The following CALN1 variants were observed in gnomAD, a reference collection of about 807,000 sequenced individuals.
CALN1 encodes calneuron 1, also known as calcium-binding protein 8.
Under a neutral mutation model 30.6 loss-of-function variants are expected in CALN1, and 17 were observed. The ratio of observed to expected loss-of-function variants is 0.56; its 90% CI spans 0.38 to 0.83. The LOEUF is 0.83. Among genes scored for constraint, CALN1 ranks in the 40% least tolerant of loss-of-function variants. CALN1 has a pLI of 0.00. For synonymous variants in CALN1, 156 were observed against 131.4 expected (o/e 1.19, Z -1.28); for missense variants, 291 against 354.9 (o/e 0.82, Z 1.45).
chr7:71,792,016 G>GA (rs11437642), intron 6 of CALN1, among the ~76,000 whole-genome samples: 14,139 of 147,824 alleles, frequency 0.096, 1,877 homozygotes, highest in African/African-American at 0.3. Flanking sequence ...CTCAAAAAAA[G>GA]AAAAAAAAAA....
chr7:71,840,935 A>C (rs1320647109), intron 5 of CALN1, among the ~76,000 whole-genome samples: 1 of 150,980 alleles, frequency 6.6e-6, no homozygotes, highest in Non-Finnish European at 1.5e-5. Flanking sequence ...AATGTATTGA[A>C]GTCATTTTCC....
chr7:72,045,374 C>T (rs919748494), intron 4 of CALN1, among the ~76,000 whole-genome samples: 3 of 152,324 alleles, frequency 2.0e-5, no homozygotes, highest in South Asian at 4.1e-4. Flanking sequence ...TCCCCCTTCC[C>T]TTTTATCCAT....
intron 2 of CALN1, among the ~76,000 whole-genome samples, chr7:72,376,829 C>T (rs1159729795): frequency 6.6e-6 from 1 of 152,172 alleles, no homozygotes; most frequent in Non-Finnish European, 1.5e-5. Context: ...ACAATTGTAA[C>T]TTTAGCTCTG....
chr7:72,496,936 T>G, the CALN1 span, among the ~76,000 whole-genome samples: 4 of 152,162 alleles, frequency 2.6e-5, no homozygotes, highest in Non-Finnish European at 4.4e-5. Context: ...GGTGAGAATT[T>G]GGAGCTGCCA....
At chr7:72,092,556 G>GC (rs2129539897) in intron 4 of CALN1, among the ~76,000 whole-genome samples, 1 of 139,308 alleles carries the variant, frequency 7.2e-6, no homozygotes, top group Non-Finnish European at 1.5e-5. Context: ...ATTGTGTTTC[G>GC]CCCTTCTTCA....
At chr7:71,918,293 TC>T (rs967094575) in intron 5 of CALN1, among the ~76,000 whole-genome samples, 121 of 152,068 alleles carry the variant, frequency 8.0e-4, no homozygotes, top group African/African-American at 2.8e-3. Flanking sequence ...TCTCGAAGAG[TC>T]GTGAGGCAGG....
intron 3 of CALN1, among the ~76,000 whole-genome samples, chr7:72,260,139 C>A (rs1796168326): frequency 6.6e-6 from 1 of 152,168 alleles, no homozygotes; most frequent in Non-Finnish European, 1.5e-5. Context: ...TGTGAGGCTG[C>A]AATGAGCTAT....
chr7:72,044,341 A>G (rs1461990989), intron 4 of CALN1, among the ~76,000 whole-genome samples: 2 of 152,114 alleles, frequency 1.3e-5, no homozygotes, highest in East Asian at 3.9e-4. Context: ...CGGCCTCCTC[A>G]TAGTAGGCCA....
At chr7:72,225,021 G>C (rs1793569566) in intron 3 of CALN1, among the ~76,000 whole-genome samples, 1 of 151,694 alleles carries the variant, frequency 6.6e-6, no homozygotes, top group African/African-American at 2.4e-5. Flanking sequence ...CGGCATGCAT[G>C]AACCCAGGAG....
intron 5 of CALN1, among the ~76,000 whole-genome samples, chr7:71,931,411 C>T (rs1454427280): frequency 3.9e-5 from 6 of 152,254 alleles, no homozygotes; most frequent in South Asian, 4.1e-4. Flanking sequence ...GGATTACAGG[C>T]ATGTGCCACA....
In CALN1 at chr7:72,332,853, C is replaced by T. The variant is rs545239375; in HGVS notation, c.120-54043G>A. Among the ~76,000 whole-genome samples, 40 of 152,242 alleles carry T rather than the reference C, an allele frequency of 2.6e-4. No individual in the cohort carries two copies. In the South Asian group the frequency reaches 6.8e-3, roughly 26 times the overall value. ...CCACCATGGCCTCATCAGCCTTGTC[C>T]GGCTTTCAGAGCCAGCTTCCTCCCT... On this transcript the variant is annotated intron_variant, in intron 2 of 6. Coordinates refer to ENST00000395275, the MANE Select transcript of CALN1 (RefSeq NM_031468.4).
intron 3 of CALN1, among the ~76,000 whole-genome samples, chr7:72,144,982 G>A (rs1213316149): frequency 2.6e-5 from 4 of 151,932 alleles, no homozygotes; most frequent in Non-Finnish European, 4.4e-5. Flanking sequence ...GTGTGTAGAG[G>A]GAAATTTATA....
At chr7:71,828,742 A>G (rs887737176) in intron 5 of CALN1, among the ~76,000 whole-genome samples, 5 of 130,200 alleles carry the variant, frequency 3.8e-5, no homozygotes, top group East Asian at 4.0e-4. Context: ...GTGTGTGTGT[A>G]ATTTGGGGTT....
At chr7:72,163,603 C>T (rs1048123491) in intron 3 of CALN1, among the ~76,000 whole-genome samples, 11 of 151,884 alleles carry the variant, frequency 7.2e-5, no homozygotes, top group East Asian at 1.9e-4. Flanking sequence ...TACAATGAAC[C>T]GAATAAAAAT....
rs984657731 is a variant in CALN1, at chr7:72,412,108, A to G, written c.-124T>C. The G allele has an allele frequency of 1.3e-5, 2 of 152,386 alleles. No homozygotes were observed. The highest frequency in any genetic ancestry group is 1.5e-5 in the Non-Finnish European group (1 of 68,108). 9.4% of individuals were successfully genotyped at this position (152,386 alleles called of 1,614,324 possible). A position where few individuals can be genotyped will look rare whatever the true frequency, so the allele number is the denominator to read the frequency against. ...CTGGGTTGTTGGTCTCGCCGACTTT[A>G]AGAATAAAACCACGGACCTCGCGGT... On this transcript the variant is annotated 5_prime_UTR_variant, in exon 1 of 7. Transcript: ENST00000395275.
At chr7:71,953,852 G>C (rs1342385285) in intron 5 of CALN1, among the ~76,000 whole-genome samples, 2 of 152,020 alleles carry the variant, frequency 1.3e-5, no homozygotes, top group African/African-American at 4.8e-5. Context: ...CCTGTCTCCT[G>C]GGGGGTGAGG....
At chr7:72,300,612 T>C (rs1799190410) in intron 2 of CALN1, among the ~76,000 whole-genome samples, 1 of 152,200 alleles carries the variant, frequency 6.6e-6, no homozygotes. Context: ...TCTCCTAAAA[T>C]TCTATTACAA....
intron 3 of CALN1, among the ~76,000 whole-genome samples, chr7:72,193,103 G>A (rs762940325): frequency 5.3e-5 from 8 of 151,870 alleles, no homozygotes; most frequent in South Asian, 2.1e-4. Context: ...CAGGAGAACC[G>A]CTTGAACACA....
chr7:72,433,446 A>G (rs1808043612), intron 1 of CALN1, among the ~76,000 whole-genome samples: 1 of 152,174 alleles, frequency 6.6e-6, no homozygotes, highest in Non-Finnish European at 1.5e-5. Flanking sequence ...TCAGTTCGCC[A>G]TGGATCCCAC....
Sources: gnomAD v4.1 joint callset for allele counts (sites outside exome capture counted in the v4.1 genomes callset) on GRCh38, gnomAD v4.1.1 for gene constraint, MANE v1.5 for transcripts, NCBI Gene and HGNC (gene_info 2026-07-23, HGNC 2026-07-21) for gene names.